The following ADARB2 variants were observed in gnomAD, a reference collection of about 807,000 sequenced individuals.
ADARB2 encodes inactive double-stranded RNA-specific editase B2.
In ADARB2, 25 loss-of-function variants were observed where a neutral mutation model predicts 62.2. The ratio of observed to expected loss-of-function variants is 0.40; its 90% CI spans 0.29 to 0.56. The LOEUF (loss-of-function observed/expected upper bound fraction) is 0.56. Ranked by LOEUF, ADARB2 falls within the 20% of genes least tolerant of loss-of-function variation. ADARB2 has a pLI of 0.43. For missense variants in ADARB2, 1,071 were observed against 1,077.4 expected (o/e 0.99, Z 0.08); for synonymous variants, 572 against 500.8 (o/e 1.14, Z -1.90).
chr10:1,711,856 G>T (rs529144861), intron 1 of ADARB2, among the ~76,000 whole-genome samples: 4 of 152,168 alleles, frequency 2.6e-5, no homozygotes, highest in African/African-American at 9.7e-5. Flanking sequence ...GGCTATTCCA[G>T]GTTCTAGTAG....
chr10:1,286,041 C>G (rs1246529432), intron 3 of ADARB2, among the ~76,000 whole-genome samples: 1 of 151,790 alleles, frequency 6.6e-6, no homozygotes, highest in Non-Finnish European at 1.5e-5. Flanking sequence ...AGGCTCCTTT[C>G]CCCTTTGAAC....
At chr10:1,675,407 G>C (rs1834453724) in intron 1 of ADARB2, 1 of 983,526 alleles carries the variant, frequency 1.0e-6, no homozygotes, top group Non-Finnish European at 1.2e-6. Flanking sequence ...TGGAGGTTTG[G>C]GTTAAGGGAT....
intron 1 of ADARB2, among the ~76,000 whole-genome samples, chr10:1,536,433 G>T (rs917665059): frequency 5.9e-5 from 9 of 152,194 alleles, no homozygotes; most frequent in Non-Finnish European, 1.2e-4. Flanking sequence ...AGCTGAGTGG[G>T]CTAAGACACC....
chr10:1,206,900 C>A (rs1010056522), intron 7 of ADARB2, among the ~76,000 whole-genome samples: 1 of 152,230 alleles, frequency 6.6e-6, no homozygotes, highest in Non-Finnish European at 1.5e-5. Context: ...AGGAACTGGG[C>A]TCTGGTCTCA....
At chr10:1,656,917 G>A (rs1479948407) in intron 1 of ADARB2, among the ~76,000 whole-genome samples, 2 of 151,704 alleles carry the variant, frequency 1.3e-5, no homozygotes, top group Non-Finnish European at 2.9e-5. Flanking sequence ...AAAAAACAAA[G>A]CAAATTCCTT....
At position 1,508,102 on chromosome 10, in the gene ADARB2, C is replaced by T. The variant is rs377607612; in HGVS notation, c.101-128942G>A. Among the ~76,000 whole-genome samples the T allele has an allele frequency of 1.5e-3, 229 of 152,244 alleles. 1 individual carries two copies. In the South Asian group the frequency reaches 0.017, roughly 11 times the overall value. ...GTTCATCAGGAAGGTCAAGTGAGGT[C>T]GCGTGTGAACGTGAATTATCCAGCA... On this transcript the variant is annotated intron_variant, in intron 1 of 9. Transcript: ENST00000381312.
At chr10:1,269,283 T>C (rs888874775) in intron 4 of ADARB2, among the ~76,000 whole-genome samples, 2 of 152,214 alleles carry the variant, frequency 1.3e-5, no homozygotes, top group Non-Finnish European at 2.9e-5. Flanking sequence ...CTTTTATAGT[T>C]CTTTTATATT....
At chr10:1,641,159 A>G (rs1326688794) in intron 1 of ADARB2, among the ~76,000 whole-genome samples, 1 of 152,262 alleles carries the variant, frequency 6.6e-6, no homozygotes, top group Non-Finnish European at 1.5e-5. Context: ...CCAAGGGTGG[A>G]TCTCATTATA....
chr10:1,571,010 T>C (rs571426762), intron 1 of ADARB2, among the ~76,000 whole-genome samples: 1 of 152,174 alleles, frequency 6.6e-6, no homozygotes, highest in Non-Finnish European at 1.5e-5. Flanking sequence ...AAACCTGTCA[T>C]TGGGTCTTCC....
At chr10:1,222,097 C>A (rs1021634566) in intron 6 of ADARB2, among the ~76,000 whole-genome samples, 73 of 152,120 alleles carry the variant, frequency 4.8e-4, no homozygotes, top group Admixed American at 4.6e-3. Context: ...TGACATTTTA[C>A]TGATTGCCAT....
chr10:1,625,729 C>A (rs114286947), intron 1 of ADARB2, among the ~76,000 whole-genome samples: 1 of 152,118 alleles, frequency 6.6e-6, no homozygotes, highest in Non-Finnish European at 1.5e-5. Context: ...AGATCCAGCC[C>A]GTGGGACCCA....
In ADARB2 at chr10:1,519,371, T is replaced by C. The variant is rs146583247; in HGVS notation, c.101-140211A>G. On this transcript the variant is annotated intron_variant, in intron 1 of 9. Transcript: ENST00000381312. ...GGTGTGGTCATACACATGCATTCTGTGTAACGACTGCAGGTGGTGTGGTCA... is the reference window on the plus strand; with the variant it reads ...GGTGTGGTCATACACATGCATTCTGCGTAACGACTGCAGGTGGTGTGGTCA... Among the ~76,000 whole-genome samples, 677 of 152,338 alleles carry C rather than the reference T, an allele frequency of 4.4e-3. 5 individuals are homozygous for C. The highest frequency in any genetic ancestry group is 0.016 in the African/African-American group (660 of 41,568).
chr10:1,363,287 GCCGCGGGGGTGGCGGGGGTCGGGCCCA>G lies in ADARB2; in HGVS notation c.791_817del (p.Val264_Ala272del). The G allele has an allele frequency of 8.1e-7, 1 of 1,239,004 alleles. No homozygotes were observed. Among genetic ancestry groups the G allele is most frequent in the South Asian group, 3.3e-5 (1 of 30,112 alleles). The allele number at this position is 1,239,004 out of a possible 1,614,324, so 76.8% of individuals were successfully genotyped here. The stretch of plus-strand genomic sequence containing the variant: ...CACCACGGGGTTGCGCTCGCCCGGG[GCCGCGGGGGTGGCGGGGGTCGGGCCCA>G]CCAGGTCCAGCGCGCGGCACAGCAG... On this transcript the variant is annotated inframe_deletion, in exon 3 of 10. Transcript: ENST00000381312.
intron 1 of ADARB2, among the ~76,000 whole-genome samples, chr10:1,612,957 G>C (rs1833589802): frequency 6.6e-6 from 1 of 152,214 alleles, no homozygotes; most frequent in African/African-American, 2.4e-5. Flanking sequence ...AGTGTCTGAA[G>C]TTTTGATGAA....
chr10:1,504,030 G>C (rs1831802524), intron 1 of ADARB2, among the ~76,000 whole-genome samples: 3 of 152,296 alleles, frequency 2.0e-5, no homozygotes, highest in Middle Eastern at 6.8e-3. Context: ...CCAGAGAGTA[G>C]GAGTTTTTGA....
At chr10:1,191,343 C>T (rs773068253) in intron 8 of ADARB2, among the ~76,000 whole-genome samples, 4 of 152,192 alleles carry the variant, frequency 2.6e-5, no homozygotes, top group South Asian at 2.1e-4. Context: ...GCACCCGGCA[C>T]GTGCACCTGC....
chr10:1,613,203 C>T (rs1000866604), intron 1 of ADARB2, among the ~76,000 whole-genome samples: 2 of 152,182 alleles, frequency 1.3e-5, no homozygotes, highest in Non-Finnish European at 2.9e-5. Context: ...CGTTTACTTA[C>T]AGGAAGCAAC....
intron 3 of ADARB2, among the ~76,000 whole-genome samples, chr10:1,322,579 G>A (rs752889097): frequency 6.6e-6 from 1 of 152,140 alleles, no homozygotes; most frequent in Non-Finnish European, 1.5e-5. Flanking sequence ...AACAAAACAG[G>A]CAAGGGAATT....
At chr10:1,637,562 C>T (rs536769599) in intron 1 of ADARB2, among the ~76,000 whole-genome samples, 2 of 152,104 alleles carry the variant, frequency 1.3e-5, no homozygotes, top group Non-Finnish European at 2.9e-5. Flanking sequence ...GTATTTGTTC[C>T]TTGATCCTAA....
Sources: gnomAD v4.1 joint callset for allele counts (sites outside exome capture counted in the v4.1 genomes callset) on GRCh38, gnomAD v4.1.1 for gene constraint, MANE v1.5 for transcripts, NCBI Gene and HGNC (gene_info 2026-07-23, HGNC 2026-07-21) for gene names.